Variants in GTF2A1L observed in about 807,000 individuals in gnomAD.
GTF2A1L encodes TFIIA-alpha and beta-like factor.
A neutral mutation model predicts 49.7 loss-of-function variants in GTF2A1L; 48 were observed. That is an observed-to-expected ratio of 0.97 (90% confidence interval 0.77 to 1.23). The LOEUF (loss-of-function observed/expected upper bound fraction) is 1.23, where lower values mean the gene tolerates loss of function less well. Ranked by LOEUF, GTF2A1L falls within the 50% of genes most tolerant of loss-of-function variation. The pLI is 0.00. For missense variants in GTF2A1L, 736 were observed against 564.8 expected, an observed-to-expected ratio of 1.30 and a Z score of -3.07; for synonymous variants, 246 against 193.5, an observed-to-expected ratio of 1.27 and a Z score of -2.25.
intron 6 of GTF2A1L, among the ~76,000 whole-genome samples, chr2:48,661,529 C>A (rs1338190805): frequency 6.6e-6 from 1 of 152,060 alleles, no homozygotes; most frequent in Non-Finnish European, 1.5e-5. Flanking sequence ...GCTGGGATTA[C>A]AAGCATGAGC....
At position 48,679,419 on chromosome 2, in the gene GTF2A1L, G is replaced by A; in HGVS notation, c.1414G>A (p.Ala472Thr). 3.7e-6 allele frequency: 6 copies of A among 1,612,592 alleles called. No individual in the cohort carries two copies. The highest frequency in any genetic ancestry group is 5.1e-6 in the Non-Finnish European group (6 of 1,179,040). Residue 472 changes from alanine (A) to threonine (T), a missense_variant, in exon 9 of 9, where the codon GCC (alanine) becomes ACC (threonine). By Grantham distance (58) the Ala-to-Thr change is moderately conservative. Transcript: ENST00000403751. ...AGGGAGAGACTATGTATTTGCAAAA[G>A]CCATTGGTGATGCAGAGTGGTAAAC... The part of the protein sequence containing the change: ...FGGRDYVFAK[A>T]IGDAEW
At chr2:48,627,112 T>C (rs1308630819) in intron 3 of GTF2A1L, among the ~76,000 whole-genome samples, 1 of 144,064 alleles carries the variant, frequency 6.9e-6, no homozygotes, top group Non-Finnish European at 1.6e-5. Flanking sequence ...TTATTTTTTA[T>C]ATCTGTTCCT....
chr2:48,623,259 T>C (rs907390569), intron 3 of GTF2A1L, among the ~76,000 whole-genome samples: 5 of 152,208 alleles, frequency 3.3e-5, no homozygotes, highest in Non-Finnish European at 7.3e-5. Flanking sequence ...AACTTAAACT[T>C]CTAGAATTTT....
intron 7 of GTF2A1L, among the ~76,000 whole-genome samples, chr2:48,670,260 G>A (rs528222896): frequency 3.3e-5 from 5 of 152,052 alleles, no homozygotes; most frequent in African/African-American, 9.7e-5. Flanking sequence ...AGGGCATGGT[G>A]GCACATGCCT....
At chr2:48,638,545 C>T (rs150887289) in intron 3 of GTF2A1L, among the ~76,000 whole-genome samples, 1 of 152,104 alleles carries the variant, frequency 6.6e-6, no homozygotes, top group Admixed American at 6.6e-5. Flanking sequence ...TAAAAACTCT[C>T]AAGAAACTAG....
chr2:48,654,531 C>T (rs1242980720), intron 6 of GTF2A1L, among the ~76,000 whole-genome samples: 1 of 152,066 alleles, frequency 6.6e-6, no homozygotes, highest in Admixed American at 6.5e-5. Flanking sequence ...TACAGGTGCC[C>T]ACCACCATGC....
intron 3 of GTF2A1L, among the ~76,000 whole-genome samples, chr2:48,621,927 C>G (rs1996969): frequency 0.7 from 105,789 of 152,142 alleles, 37,045 homozygotes; most frequent in East Asian, 0.94. Context: ...GTTTTCTATC[C>G]TTGTATGCTT....
chr2:48,673,758 C>G (rs1470057509), intron 8 of GTF2A1L, among the ~76,000 whole-genome samples: 1 of 152,082 alleles, frequency 6.6e-6, no homozygotes, highest in Non-Finnish European at 1.5e-5. Context: ...GATCTAATGA[C>G]AATAAACTGG....
At position 48,646,441 on chromosome 2, in the gene GTF2A1L, C is replaced by T; in HGVS notation, c.389-12C>T. On this transcript the variant is annotated splice_polypyrimidine_tract_variant and intron_variant, in intron 5 of 8. Coordinates refer to ENST00000403751, the MANE Select transcript of GTF2A1L (RefSeq NM_006872.5). ...TCTATTATACTTACAATTTTGCTTTCTCCTTTTTAAGGTCACCTTTATAAA... is the reference window on the plus strand; with the variant it reads ...TCTATTATACTTACAATTTTGCTTTTTCCTTTTTAAGGTCACCTTTATAAA... 29 of 1,465,946 alleles carry T rather than the reference C, an allele frequency of 2.0e-5. No homozygotes were observed. Among genetic ancestry groups the T allele is most frequent in the East Asian group, 1.0e-4 (4 of 39,502 alleles). The allele number at this position is 1,465,946 out of a possible 1,614,324, so 90.8% of individuals were successfully genotyped here. A position where few individuals can be genotyped will look rare whatever the true frequency, so the allele number is the denominator to read the frequency against.
intron 3 of GTF2A1L, among the ~76,000 whole-genome samples, chr2:48,633,976 T>C (rs1340020288): frequency 1.3e-5 from 2 of 152,216 alleles, no homozygotes; most frequent in African/African-American, 4.8e-5. Context: ...TTCTATTTGC[T>C]TGGTGGATCA....
At chr2:48,666,710 T>A (rs1678865395) in intron 6 of GTF2A1L, among the ~76,000 whole-genome samples, 1 of 152,042 alleles carries the variant, frequency 6.6e-6, no homozygotes, top group Admixed American at 6.6e-5. Context: ...CCCCTTCACA[T>A]GAAATTTTTA....
chr2:48,640,520 T>A (rs1677142707), intron 3 of GTF2A1L, among the ~76,000 whole-genome samples: 1 of 151,822 alleles, frequency 6.6e-6, no homozygotes, highest in African/African-American at 2.4e-5. Context: ...AGACACTGGG[T>A]CTACTTAAGG....
intron 6 of GTF2A1L, among the ~76,000 whole-genome samples, chr2:48,660,026 T>C (rs538510413): frequency 1.3e-5 from 2 of 152,260 alleles, no homozygotes; most frequent in African/African-American, 4.8e-5. Context: ...TGATTAGAAG[T>C]GGTGAAAGTA....
At chr2:48,679,163 C>G (rs1679628566) in intron 8 of GTF2A1L, among the ~76,000 whole-genome samples, 172 bp from the exon 9 acceptor site, 1 of 151,924 alleles carries the variant, frequency 6.6e-6, no homozygotes, top group South Asian at 2.1e-4. Flanking sequence ...AAAACAGTGT[C>G]TAACACATAG....
Position 48,646,565 on chromosome 2 carries a change from A to T in GTF2A1L, c.501A>T (p.Val167=). The T allele has an allele frequency of 6.2e-7, 1 of 1,614,216 alleles. No individual in the cohort carries two copies. Among genetic ancestry groups the T allele is most frequent in the Non-Finnish European group, 8.5e-7 (1 of 1,180,046 alleles). ...QVFQQLGQPS[V]IQTSVPQLNP... ...TTCAACAGCTTGGCCAGCCTTCAGT[A>T]ATACAAACTAGTGTTCCACAATTGA... Residue 167 remains valine (V), a synonymous_variant, in exon 6 of 9, where the codon GTA becomes GTT. Coordinates refer to ENST00000403751, the MANE Select transcript of GTF2A1L (RefSeq NM_006872.5).
intron 6 of GTF2A1L, among the ~76,000 whole-genome samples, chr2:48,654,639 C>T (rs984536711): frequency 6.6e-6 from 1 of 152,190 alleles, no homozygotes; most frequent in Non-Finnish European, 1.5e-5. Context: ...CTGCCTCAGC[C>T]TCTCAAAGTG....
At chr2:48,664,509 G>A (rs1273472415) in intron 6 of GTF2A1L, among the ~76,000 whole-genome samples, 2 of 152,058 alleles carry the variant, frequency 1.3e-5, no homozygotes, top group Non-Finnish European at 2.9e-5. Flanking sequence ...ATGTTCATGA[G>A]GAGTACTGGT....
At chr2:48,652,400 G>T (rs1174655125) in intron 6 of GTF2A1L, among the ~76,000 whole-genome samples, 4 of 151,976 alleles carry the variant, frequency 2.6e-5, no homozygotes, top group Admixed American at 2.6e-4. Context: ...TGGATCACTT[G>T]AGGTTAGGAG....
chr2:48,625,224 C>T (rs376630716), intron 3 of GTF2A1L, among the ~76,000 whole-genome samples: 2 of 143,720 alleles, frequency 1.4e-5, no homozygotes, highest in African/African-American at 4.9e-5. Context: ...CAACACTTGT[C>T]GTCTCTTTTC....
Sources: allele counts gnomAD v4.1 joint callset (sites outside exome capture counted in the v4.1 genomes callset), GRCh38; gene constraint gnomAD v4.1.1; transcripts MANE v1.5; gene names NCBI Gene and HGNC (gene_info 2026-07-23, HGNC 2026-07-21).